RBPJ: variants seen among roughly 807,000 people sequenced by gnomAD.
The protein encoded by RBPJ is recombination signal binding protein for immunoglobulin kappa J region.
A neutral mutation model predicts 67.8 loss-of-function variants in RBPJ; 9 were observed. That is an observed-to-expected ratio of 0.13 (90% CI 0.08 to 0.23). The LOEUF is 0.23. RBPJ is among the 10% of genes least tolerant of loss of function. The pLI, the probability that RBPJ is intolerant of heterozygous loss-of-function variation, is 1.00. For synonymous variants in RBPJ, 198 were observed against 203.3 expected (o/e 0.97, Z 0.22); for missense variants, 305 against 595.6 (o/e 0.51, Z 5.08).
intron 1 of RBPJ, among the ~76,000 whole-genome samples, chr4:26,209,566 C>T (rs1433359754): frequency 6.7e-6 from 1 of 149,686 alleles, no homozygotes; most frequent in Non-Finnish European, 1.5e-5. Context: ...TGTCTCCCTC[C>T]CTTCCTCCTT....
chr4:26,294,775 G>T (rs1053336961), intron 1 of RBPJ, among the ~76,000 whole-genome samples: 2 of 151,840 alleles, frequency 1.3e-5, no homozygotes, highest in Non-Finnish European at 2.9e-5. Flanking sequence ...CCAGCTACTC[G>T]GGAGGCTGAG....
intron 1 of RBPJ, among the ~76,000 whole-genome samples, chr4:26,373,981 C>T (rs971735371): frequency 6.9e-6 from 1 of 144,478 alleles, no homozygotes; most frequent in East Asian, 2.1e-4. Context: ...TGCAGTGGCA[C>T]GATCTTGGCT....
rs1306181331 is a variant in RBPJ at position 26,434,183 on chromosome 4, G to A, written c.*3176G>A. On this transcript the variant is annotated 3_prime_UTR_variant, in exon 11 of 11. Transcript: ENST00000355476. ...TTTAAACTGTGGCAATTAAAGGCAT[G>A]TTTATACATGACTTAATCGTGAAAT... The A allele has an allele frequency of 6.6e-6, 1 of 152,204 alleles. No homozygotes were observed. The highest frequency in any genetic ancestry group is 1.5e-5 in the Non-Finnish European group (1 of 68,024). The allele number at this position is 152,204 out of a possible 1,614,324, so 9.4% of individuals were successfully genotyped here. A position where few individuals can be genotyped will look rare whatever the true frequency, so the allele number is the denominator to read the frequency against.
intron 1 of RBPJ, among the ~76,000 whole-genome samples, chr4:26,216,209 G>T (rs946215634): frequency 6.6e-6 from 1 of 152,042 alleles, no homozygotes; most frequent in African/African-American, 2.4e-5. Context: ...AATCTAAGAT[G>T]ACTTTATCAG....
At chr4:26,222,764 A>G (rs1718955616) in intron 1 of RBPJ, among the ~76,000 whole-genome samples, 2 of 151,880 alleles carry the variant, frequency 1.3e-5, no homozygotes, top group African/African-American at 4.8e-5. Flanking sequence ...TATGGAGGCT[A>G]CAAAAGGGGC....
At chr4:26,181,346 C>T (rs1356503272) in intron 1 of RBPJ, among the ~76,000 whole-genome samples, 1 of 152,154 alleles carries the variant, frequency 6.6e-6, no homozygotes, top group Non-Finnish European at 1.5e-5. Flanking sequence ...TTTACATCTT[C>T]CAAAACAAAA....
At chr4:26,369,153 G>A (rs1470677733) in intron 1 of RBPJ, among the ~76,000 whole-genome samples, 3 of 152,112 alleles carry the variant, frequency 2.0e-5, no homozygotes, top group Non-Finnish European at 4.4e-5. Flanking sequence ...TCTTGTCATG[G>A]CAGAACAGGT....
intron 1 of RBPJ, among the ~76,000 whole-genome samples, chr4:26,253,522 G>A (rs796123513): frequency 2.7e-5 from 4 of 150,888 alleles, no homozygotes; most frequent in Admixed American, 6.6e-5. Context: ...CGTTGTAGCC[G>A]GGATGGTCTC....
intron 1 of RBPJ, among the ~76,000 whole-genome samples, chr4:26,191,035 C>T (rs116224974): frequency 0.01 from 1,517 of 149,056 alleles, 24 homozygotes; most frequent in African/African-American, 0.035. Flanking sequence ...ACCTGTGGTT[C>T]TAGCGACTCA....
chr4:26,205,537 G>C (rs1718139340), intron 1 of RBPJ, among the ~76,000 whole-genome samples: 1 of 152,148 alleles, frequency 6.6e-6, no homozygotes, highest in Non-Finnish European at 1.5e-5. Context: ...CTACTTGGCA[G>C]GTGGGGATTC....
At chr4:26,207,117 G>A (rs573307296) in intron 1 of RBPJ, among the ~76,000 whole-genome samples, 17 of 152,288 alleles carry the variant, frequency 1.1e-4, no homozygotes, top group Admixed American at 1.0e-3. Context: ...CCTGGAGTAA[G>A]GCACAGGGTT....
At chr4:26,137,213 T>A in the RBPJ span, among the ~76,000 whole-genome samples, 1 of 152,140 alleles carries the variant, frequency 6.6e-6, no homozygotes, top group Non-Finnish European at 1.5e-5. Flanking sequence ...AGTCTCTCCT[T>A]CACAAGCCTC....
the RBPJ span, among the ~76,000 whole-genome samples, chr4:26,117,167 T>C: frequency 6.6e-6 from 1 of 152,196 alleles, no homozygotes; most frequent in African/African-American, 2.4e-5. Flanking sequence ...CAGAACATAG[T>C]GGTCTTTCAA....
chr4:26,399,530 T>TC (rs1051160797), intron 2 of RBPJ, among the ~76,000 whole-genome samples: 8 of 151,500 alleles, frequency 5.3e-5, no homozygotes, highest in Admixed American at 1.3e-4. Context: ...TTCCTTTTTT[T>TC]TTTTCTGTAT....
chr4:26,148,637 G>C, the RBPJ span, among the ~76,000 whole-genome samples: 2 of 152,212 alleles, frequency 1.3e-5, no homozygotes, highest in African/African-American at 4.8e-5. Context: ...CCAAATGAAA[G>C]ATAGACAGAG....
intron 1 of RBPJ, among the ~76,000 whole-genome samples, chr4:26,184,596 C>G (rs914282381): frequency 6.6e-5 from 10 of 151,984 alleles, no homozygotes; most frequent in African/African-American, 2.4e-4. Context: ...GTCAAGACCT[C>G]AGGACCAGTC....
At chr4:26,405,100 G>A (rs1733259037) in intron 2 of RBPJ, among the ~76,000 whole-genome samples, 1 of 152,160 alleles carries the variant, frequency 6.6e-6, no homozygotes, top group Non-Finnish European at 1.5e-5. Flanking sequence ...TATAAATGCT[G>A]TTATTAGGTT....
the RBPJ span, among the ~76,000 whole-genome samples, chr4:26,146,236 T>C: frequency 1.3e-5 from 2 of 152,336 alleles, no homozygotes; most frequent in Non-Finnish European, 1.5e-5. Context: ...CATGAGCCAG[T>C]GCACCCAGCC....
intron 1 of RBPJ, among the ~76,000 whole-genome samples, chr4:26,199,168 G>A (rs139776375): frequency 1.1e-3 from 161 of 152,264 alleles, no homozygotes; most frequent in African/African-American, 3.6e-3. Context: ...GCCCTTGGCC[G>A]GACACGGTGG....
Sources: allele counts gnomAD v4.1 joint callset (sites outside exome capture counted in the v4.1 genomes callset), GRCh38; gene constraint gnomAD v4.1.1; transcripts MANE v1.5; gene names NCBI Gene and HGNC (gene_info 2026-07-23, HGNC 2026-07-21).